The following GALNT17 variants were observed in gnomAD, a reference collection of about 807,000 sequenced individuals.
GALNT17 encodes UDP-GalNAc:polypeptide N-acetylgalactosaminyltransferase-like 3.
A neutral mutation model predicts 63.7 loss-of-function variants in GALNT17; 29 were observed. That is an observed-to-expected ratio of 0.46 (90% CI 0.34 to 0.62). The LOEUF is 0.62. GALNT17 is among the 20% of genes least tolerant of loss of function. GALNT17 has a pLI of 0.01. For synonymous variants in GALNT17, 305 were observed against 318.3 expected, an observed-to-expected ratio of 0.96 and a Z score of 0.45; for missense variants, 603 against 799.6, an observed-to-expected ratio of 0.75 and a Z score of 2.97.
intron 5 of GALNT17, among the ~76,000 whole-genome samples, chr7:71,568,803 T>G (rs750528019): frequency 2.0e-5 from 3 of 152,208 alleles, no homozygotes; most frequent in Non-Finnish European, 4.4e-5. Flanking sequence ...CACAATGTAA[T>G]ACAATACAAT....
At chr7:71,683,045 C>T (rs1053622714) in intron 9 of GALNT17, among the ~76,000 whole-genome samples, 3 of 152,074 alleles carry the variant, frequency 2.0e-5, no homozygotes, top group Admixed American at 6.6e-5. Flanking sequence ...GTTCCACCTG[C>T]GTGCGGAACT....
chr7:71,585,830 T>A (rs113426508), intron 6 of GALNT17, among the ~76,000 whole-genome samples: 1 of 152,140 alleles, frequency 6.6e-6, no homozygotes, highest in Non-Finnish European at 1.5e-5. Flanking sequence ...GACATTTCTG[T>A]TGCCTGAGAA....
chr7:71,471,519 G>A (rs1315408962), intron 5 of GALNT17, among the ~76,000 whole-genome samples: 2 of 151,768 alleles, frequency 1.3e-5, no homozygotes, highest in Non-Finnish European at 2.9e-5. Context: ...TGTGTCACAA[G>A]CCACTGTAAA....
At chr7:71,207,358 T>G (rs1415165275) in intron 1 of GALNT17, among the ~76,000 whole-genome samples, 1 of 152,188 alleles carries the variant, frequency 6.6e-6, no homozygotes, top group Non-Finnish European at 1.5e-5. Context: ...ATGTTATTTA[T>G]TATTATTGCA....
chr7:71,677,259 G>C lies in GALNT17; in HGVS notation c.1453G>C (p.Glu485Gln). 1 of 1,614,038 alleles carries C rather than the reference G, an allele frequency of 6.2e-7. No homozygotes were observed. Among genetic ancestry groups the C allele is most frequent in the Non-Finnish European group, 8.5e-7 (1 of 1,179,990 alleles). ...CGTCTGCTTGGACCAGGGGCCGCTGGAGAACCACACAGCAATATTGTATCC... is the reference window on the plus strand; with the variant it reads ...CGTCTGCTTGGACCAGGGGCCGCTGCAGAACCACACAGCAATATTGTATCC... ...KDVCLDQGPL[E>Q]NHTAILYPCH... The change falls in exon 9 of 11, where the codon GAG (glutamate) becomes CAG (glutamine). Residue 485 changes from glutamate to glutamine, a missense_variant. Physicochemically the swap from Glu to Gln is conservative, Grantham distance 29. Transcript: ENST00000333538.
chr7:71,436,697 C>A (rs1030303879), intron 5 of GALNT17, among the ~76,000 whole-genome samples: 1 of 149,606 alleles, frequency 6.7e-6, no homozygotes, highest in African/African-American at 2.5e-5. Context: ...CCAGCCTGGG[C>A]GACAGAGCGA....
intron 5 of GALNT17, among the ~76,000 whole-genome samples, chr7:71,551,904 A>G (rs1195601728): frequency 6.6e-6 from 1 of 152,156 alleles, no homozygotes; most frequent in African/African-American, 2.4e-5. Flanking sequence ...ACAGCCTCTG[A>G]TTCCCTTAAT....
intron 5 of GALNT17, among the ~76,000 whole-genome samples, chr7:71,544,201 A>G (rs9692605): frequency 0.73 from 106,798 of 147,186 alleles, 38,750 homozygotes; most frequent in Middle Eastern, 0.77. Context: ...ATGCAATCTC[A>G]GCTCACTGCA....
intron 5 of GALNT17, among the ~76,000 whole-genome samples, chr7:71,510,770 A>G (rs1277374022): frequency 2.6e-5 from 4 of 152,144 alleles, no homozygotes; most frequent in Admixed American, 6.6e-5. Flanking sequence ...GCCTGTCCTC[A>G]TGATGTTCAT....
intron 2 of GALNT17, among the ~76,000 whole-genome samples, chr7:71,355,936 T>C (rs547997757): frequency 6.6e-6 from 1 of 152,290 alleles, no homozygotes; most frequent in African/African-American, 2.4e-5. Flanking sequence ...TTTTCTGTTT[T>C]CACTTTCTTC....
intron 2 of GALNT17, among the ~76,000 whole-genome samples, chr7:71,366,908 A>G (rs1792522336): frequency 6.6e-6 from 1 of 152,174 alleles, no homozygotes; most frequent in Non-Finnish European, 1.5e-5. Context: ...TTTGACTATT[A>G]CAGAGGTTGA....
intron 1 of GALNT17, among the ~76,000 whole-genome samples, chr7:71,228,154 T>C (rs1789715735): frequency 6.6e-6 from 1 of 151,820 alleles, no homozygotes; most frequent in African/African-American, 2.4e-5. Flanking sequence ...GAGGCCAGGG[T>C]GGGAAGGGGC....
At chr7:71,362,719 T>A (rs955531006) in intron 2 of GALNT17, among the ~76,000 whole-genome samples, 1 of 152,168 alleles carries the variant, frequency 6.6e-6, no homozygotes, top group African/African-American at 2.4e-5. Flanking sequence ...CAAATCCATT[T>A]GTGTATATTT....
intron 6 of GALNT17, among the ~76,000 whole-genome samples, chr7:71,645,058 GCTTTA>G (rs1418326028): frequency 5.9e-5 from 9 of 152,164 alleles, no homozygotes; most frequent in African/African-American, 2.2e-4. Context: ...GCAGGGTTGT[GCTTTA>G]CTTAGACCCA....
intron 6 of GALNT17, among the ~76,000 whole-genome samples, chr7:71,650,326 T>G (rs1207866714): frequency 6.6e-6 from 1 of 152,212 alleles, no homozygotes; most frequent in Non-Finnish European, 1.5e-5. Flanking sequence ...CTCTCTTCAC[T>G]GCAACCTCCA....
chr7:71,600,599 C>T (rs971204370), intron 6 of GALNT17, among the ~76,000 whole-genome samples: 3 of 152,112 alleles, frequency 2.0e-5, no homozygotes, highest in African/African-American at 7.2e-5. Flanking sequence ...AAGCAATCAG[C>T]AGAGCCGTAA....
chr7:71,401,395 C>A (rs979844405), intron 3 of GALNT17, among the ~76,000 whole-genome samples: 2 of 152,032 alleles, frequency 1.3e-5, no homozygotes, highest in African/African-American at 4.8e-5. Context: ...CCATGCCTGG[C>A]CCTCAATACT....
chr7:71,159,347 G>A (rs1238450262), intron 1 of GALNT17, among the ~76,000 whole-genome samples: 24 of 151,632 alleles, frequency 1.6e-4, no homozygotes, highest in Admixed American at 1.5e-3. Flanking sequence ...CAAAGTTGTG[G>A]TATGATAAGC....
intron 1 of GALNT17, among the ~76,000 whole-genome samples, chr7:71,188,262 T>C (rs997192467): frequency 6.6e-6 from 1 of 152,184 alleles, no homozygotes; most frequent in Non-Finnish European, 1.5e-5. Flanking sequence ...GATTGCTGGA[T>C]CAAATGGCAG....
Sources: gnomAD v4.1 joint callset for allele counts (sites outside exome capture counted in the v4.1 genomes callset) on GRCh38, gnomAD v4.1.1 for gene constraint, MANE v1.5 for transcripts, NCBI Gene and HGNC (gene_info 2026-07-23, HGNC 2026-07-21) for gene names.